ZPBP: variants seen among roughly 807,000 people sequenced by gnomAD.
ZPBP encodes the protein zona pellucida-binding protein 1.
ZPBP carries 26 observed loss-of-function variants against 44.8 expected under a neutral mutation model. The observed-to-expected ratio is 0.58, with a 90% CI of 0.43 to 0.81. ZPBP has a LOEUF of 0.81. Among genes scored for constraint, ZPBP ranks in the 30% least tolerant of loss-of-function variants. ZPBP has a pLI of 0.00. For synonymous variants in ZPBP, 174 were observed against 153.2 expected (o/e 1.14, Z -1.00); for missense variants, 409 against 434.0 (o/e 0.94, Z 0.51).
At chr7:49,850,859 T>C (rs1790147794) in intron 2 of ZPBP, among the ~76,000 whole-genome samples, 1 of 152,178 alleles carries the variant, frequency 6.6e-6, no homozygotes, top group Admixed American at 6.5e-5. Context: ...GTGCTGGCCA[T>C]AGTGGACACC....
chr7:49,931,304 C>G (rs893763825), intron 1 of ZPBP, among the ~76,000 whole-genome samples: 2 of 152,118 alleles, frequency 1.3e-5, no homozygotes, highest in Non-Finnish European at 2.9e-5. Flanking sequence ...GAGGTTGGGA[C>G]AGTTTGGAGG....
intron 6 of ZPBP, among the ~76,000 whole-genome samples, chr7:50,012,078 T>G (rs1484577508): frequency 7.1e-6 from 1 of 141,558 alleles, no homozygotes. Flanking sequence ...AAACTGAAAA[T>G]GAGAGAGAAC....
chr7:49,994,327 C>T (rs1797710309), intron 6 of ZPBP, among the ~76,000 whole-genome samples: 1 of 152,122 alleles, frequency 6.6e-6, no homozygotes, highest in African/African-American at 2.4e-5. Flanking sequence ...GTCAACTGAT[C>T]ATAGAGAACT....
At chr7:49,889,637 A>G (rs2128730005) in intron 2 of ZPBP, among the ~76,000 whole-genome samples, 1 of 152,244 alleles carries the variant, frequency 6.6e-6, no homozygotes, top group African/African-American at 2.4e-5. Context: ...ATCCATGCAG[A>G]CCCTTTTTGC....
intron 7 of ZPBP, among the ~76,000 whole-genome samples, chr7:49,982,204 T>C (rs1423191230): frequency 1.2e-4 from 3 of 24,048 alleles, no homozygotes; most frequent in Non-Finnish European, 2.1e-4. Context: ...ATATTTATTA[T>C]ATATATATAT....
intron 3 of ZPBP, among the ~76,000 whole-genome samples, chr7:50,065,728 C>T (rs1251690034): frequency 1.3e-5 from 2 of 150,814 alleles, no homozygotes; most frequent in African/African-American, 4.9e-5. Context: ...GAGCAAATAT[C>T]GTTTTGGTTG....
At chr7:49,991,378 A>T (rs1253898422) in intron 6 of ZPBP, among the ~76,000 whole-genome samples, 1 of 152,186 alleles carries the variant, frequency 6.6e-6, no homozygotes, top group Non-Finnish European at 1.5e-5. Context: ...GCGGAGATAT[A>T]TGAGATTGAG....
intron 2 of ZPBP, among the ~76,000 whole-genome samples, chr7:49,888,260 C>T (rs1343765266): frequency 6.6e-6 from 1 of 152,132 alleles, no homozygotes; most frequent in Non-Finnish European, 1.5e-5. Flanking sequence ...AGGTTTAATC[C>T]TGCTCCTAAT....
At chr7:50,074,733 G>C (rs543130507) in intron 3 of ZPBP, among the ~76,000 whole-genome samples, 1 of 151,656 alleles carries the variant, frequency 6.6e-6, no homozygotes, top group Non-Finnish European at 1.5e-5. Flanking sequence ...TTATAAATAC[G>C]TATACACCCA....
chr7:50,077,425 T>C (rs1057347570), intron 3 of ZPBP, among the ~76,000 whole-genome samples: 2 of 151,590 alleles, frequency 1.3e-5, no homozygotes, highest in African/African-American at 4.8e-5. Flanking sequence ...AGGTTTTGCA[T>C]AGCAAAGGAT....
At chr7:49,988,091 T>C (rs1035421032) in intron 6 of ZPBP, among the ~76,000 whole-genome samples, 13 of 152,200 alleles carry the variant, frequency 8.5e-5, no homozygotes, top group African/African-American at 1.9e-4. Flanking sequence ...GAGTATTATA[T>C]GGTTTTTCTG....
At chr7:49,968,863 T>C (rs1796168802) in intron 7 of ZPBP, among the ~76,000 whole-genome samples, 1 of 151,940 alleles carries the variant, frequency 6.6e-6, no homozygotes, top group African/African-American at 2.4e-5. Flanking sequence ...GCATACTACA[T>C]ATCAGGAGAA....
intron 1 of ZPBP, among the ~76,000 whole-genome samples, chr7:49,907,382 C>T (rs146395402): frequency 2.0e-5 from 3 of 152,124 alleles, no homozygotes; most frequent in African/African-American, 7.2e-5. Flanking sequence ...AATATGCTGG[C>T]TCTAAGAAGT....
intron 1 of ZPBP, among the ~76,000 whole-genome samples, chr7:49,932,023 C>T (rs1458178846): frequency 1.3e-5 from 2 of 152,236 alleles, no homozygotes; most frequent in South Asian, 2.1e-4. Flanking sequence ...AGGTCAAGAA[C>T]TGAGGTTTGG....
At chr7:49,941,177 A>G (rs1441929734) in intron 7 of ZPBP, among the ~76,000 whole-genome samples, 1 of 152,174 alleles carries the variant, frequency 6.6e-6, no homozygotes, top group Non-Finnish European at 1.5e-5. Context: ...GAGAAATTGA[A>G]ATCATACTTG....
chr7:50,035,385 A>C (rs866855246), intron 4 of ZPBP, among the ~76,000 whole-genome samples: 10 of 152,236 alleles, frequency 6.6e-5, no homozygotes, highest in Non-Finnish European at 1.5e-4. Context: ...CTTTCTACTA[A>C]ATAGGTGACA....
At chr7:49,980,299 TATATATAATATAA>T (rs1562817920) in intron 7 of ZPBP, among the ~76,000 whole-genome samples, 1 of 30,514 alleles carries the variant, frequency 3.3e-5, no homozygotes, top group African/African-American at 8.5e-5. Context: ...AAATATATAA[TATATATAATATAA>T]ATATATAATA....
chr7:50,090,662 C>T (rs200724849), intron 1 of ZPBP, among the ~76,000 whole-genome samples: 8 of 150,478 alleles, frequency 5.3e-5, no homozygotes, highest in East Asian at 2.0e-4. Flanking sequence ...CACACACACA[C>T]ATATATATAT....
chr7:50,031,040 C>G, intron 5 of ZPBP, 52 bp downstream of exon 5: 2 of 1,505,024 alleles, frequency 1.3e-6, no homozygotes, highest in East Asian at 2.3e-5. Flanking sequence ...ACTTTTTTAA[C>G]TATTAGTTAT....
Sources: gnomAD v4.1 joint callset for allele counts (sites outside exome capture counted in the v4.1 genomes callset) on GRCh38, gnomAD v4.1.1 for gene constraint, MANE v1.5 for transcripts, NCBI Gene and HGNC (gene_info 2026-07-23, HGNC 2026-07-21) for gene names.